The following LIN28B variants were observed in gnomAD, a reference collection of about 807,000 sequenced individuals.
The protein encoded by LIN28B is lin-28 RNA binding posttranscriptional regulator B, also known as protein lin-28 homolog B.
Under a neutral mutation model 21.9 loss-of-function variants are expected in LIN28B, and 5 were observed. The ratio of observed to expected loss-of-function variants is 0.23; its 90% CI spans 0.12 to 0.48. The LOEUF is 0.48. Ranked by LOEUF, LIN28B falls within the 20% of genes least tolerant of loss-of-function variation. The pLI is 0.98. For synonymous variants in LIN28B, 109 were observed against 111.3 expected (o/e 0.98, Z 0.13); for missense variants, 245 against 310.5 (o/e 0.79, Z 1.58).
At chr6:104,985,470 A>T (rs2114258112) in intron 2 of LIN28B, among the ~76,000 whole-genome samples, 1 of 152,152 alleles carries the variant, frequency 6.6e-6, no homozygotes, top group East Asian at 1.9e-4. Flanking sequence ...TTTTTTATTG[A>T]TTTGTATGAG....
At chr6:105,070,501 A>G (rs1332469111) in intron 3 of LIN28B, among the ~76,000 whole-genome samples, 1 of 151,852 alleles carries the variant, frequency 6.6e-6, no homozygotes, top group Non-Finnish European at 1.5e-5. Context: ...ATCCTAGCAC[A>G]TTGGGAGGCC....
intron 2 of LIN28B, chr6:104,941,295 C>G (rs1370340098): frequency 1.3e-5 from 2 of 152,170 alleles, no homozygotes; most frequent in East Asian, 3.9e-4. Context: ...CGCTAAGACG[C>G]GGGCAGTCGA....
At chr6:105,046,140 A>G (rs142277114) in intron 3 of LIN28B, among the ~76,000 whole-genome samples, 7 of 152,222 alleles carry the variant, frequency 4.6e-5, no homozygotes, top group African/African-American at 1.2e-4. Context: ...TACATTAGGT[A>G]TATCTCCTAA....
At chr6:105,037,429 C>A (rs1052688406) in intron 3 of LIN28B, among the ~76,000 whole-genome samples, 1 of 151,962 alleles carries the variant, frequency 6.6e-6, no homozygotes, top group Non-Finnish European at 1.5e-5. Flanking sequence ...GTTAAAATAA[C>A]AGATTAAGAG....
intron 3 of LIN28B, among the ~76,000 whole-genome samples, chr6:105,075,731 A>T (rs556354630): frequency 2.6e-5 from 4 of 152,342 alleles, no homozygotes; most frequent in Non-Finnish European, 1.5e-5. Flanking sequence ...GTGAAAGTAG[A>T]ATACTGACAT....
At chr6:105,044,298 T>C (rs910644508) in intron 3 of LIN28B, among the ~76,000 whole-genome samples, 7 of 152,228 alleles carry the variant, frequency 4.6e-5, no homozygotes, top group Admixed American at 3.9e-4. Context: ...CAGCTTGTCC[T>C]ACTCTTTCTT....
upstream of LIN28B, among the ~76,000 whole-genome samples, chr6:104,956,640 T>G (rs2114562593): frequency 6.6e-6 from 1 of 152,304 alleles, no homozygotes; most frequent in South Asian, 2.1e-4. Context: ...CTCTAAGAAT[T>G]GAATTAAATA....
chr6:105,023,234 A>G (rs1465997557), intron 2 of LIN28B, among the ~76,000 whole-genome samples: 2 of 97,020 alleles, frequency 2.1e-5, no homozygotes, highest in Non-Finnish European at 3.9e-5. Context: ...TATAATATAT[A>G]TTATATTATA....
At chr6:104,948,207 G>A (rs1778180322) in intron 2 of LIN28B, among the ~76,000 whole-genome samples, 1 of 152,220 alleles carries the variant, frequency 6.6e-6, no homozygotes, top group Admixed American at 6.5e-5. Context: ...GGTGGCTCAT[G>A]CCTGTAATCC....
At chr6:105,014,391 C>A (rs1022693114) in intron 2 of LIN28B, among the ~76,000 whole-genome samples, 2 of 152,226 alleles carry the variant, frequency 1.3e-5, no homozygotes, top group Non-Finnish European at 2.9e-5. Context: ...GCAATCTTGG[C>A]TCACTGTAAC....
intron 3 of LIN28B, among the ~76,000 whole-genome samples, chr6:105,034,948 T>G (rs1311720372): frequency 6.6e-6 from 1 of 152,006 alleles, no homozygotes; most frequent in Non-Finnish European, 1.5e-5. Flanking sequence ...CCTCATTCAG[T>G]TTTAGAGCAA....
At chr6:104,943,594 A>G (rs1298919067) in intron 2 of LIN28B, among the ~76,000 whole-genome samples, 1 of 152,206 alleles carries the variant, frequency 6.6e-6, no homozygotes, top group South Asian at 2.1e-4. Flanking sequence ...ATTATTGATT[A>G]TGAAAGTGGC....
Position 105,083,015 on chromosome 6 carries a change from G to A in LIN28B, c.*4232G>A, listed in dbSNP as rs1385114232. The stretch of plus-strand genomic sequence containing the variant: ...TGATTTTTATATGTCTTTAATAATG[G>A]TGTTTTATCTAGTGTTTTTAAATTA... On this transcript the variant is annotated 3_prime_UTR_variant, in exon 4 of 4. Coordinates refer to ENST00000345080, the MANE Select transcript of LIN28B (RefSeq NM_001004317.4). 6.6e-6 allele frequency: 1 copy of A among 152,552 alleles called. No individual in the cohort carries two copies. Among genetic ancestry groups the A allele is most frequent in the Admixed American group, 6.6e-5 (1 of 15,264 alleles). 9.4% of individuals were successfully genotyped at this position (152,552 alleles called of 1,614,324 possible). A position where few individuals can be genotyped will look rare whatever the true frequency, so the allele number is the denominator to read the frequency against.
chr6:105,025,513 G>A (rs913112018), intron 2 of LIN28B, among the ~76,000 whole-genome samples: 14 of 152,078 alleles, frequency 9.2e-5, no homozygotes, highest in Middle Eastern at 3.2e-3. Flanking sequence ...CTCAAACGAC[G>A]CAGTAATGTA....
chr6:105,060,030 A>T (rs1046841171), intron 3 of LIN28B, among the ~76,000 whole-genome samples: 3 of 151,698 alleles, frequency 2.0e-5, no homozygotes, highest in African/African-American at 7.3e-5. Flanking sequence ...CAGCCTCCCG[A>T]GTAGCTGAGA....
chr6:104,983,192 A>T (rs1770261948), intron 2 of LIN28B, among the ~76,000 whole-genome samples: 1 of 152,246 alleles, frequency 6.6e-6, no homozygotes, highest in Admixed American at 6.5e-5. Context: ...TGGCTTATAT[A>T]AAAATGGCAT....
chr6:105,004,916 A>G (rs1001975036), intron 2 of LIN28B, among the ~76,000 whole-genome samples: 3 of 152,086 alleles, frequency 2.0e-5, no homozygotes, highest in African/African-American at 7.2e-5. Context: ...CTATTGTCTC[A>G]TGCTTTCCTT....
At chr6:105,058,787 T>C (rs1772072558) in intron 3 of LIN28B, among the ~76,000 whole-genome samples, 2 of 152,222 alleles carry the variant, frequency 1.3e-5, no homozygotes, top group African/African-American at 4.8e-5. Flanking sequence ...AATGTATGGT[T>C]GTTGCTTTTT....
chr6:105,011,650 A>C (rs905308702), intron 2 of LIN28B, among the ~76,000 whole-genome samples: 5 of 148,968 alleles, frequency 3.4e-5, no homozygotes, highest in East Asian at 2.0e-4. Context: ...AGGAGTTCAA[A>C]ACCAGCCTGG....
Sources: allele counts gnomAD v4.1 joint callset (sites outside exome capture counted in the v4.1 genomes callset), GRCh38; gene constraint gnomAD v4.1.1; transcripts MANE v1.5; gene names NCBI Gene and HGNC (gene_info 2026-07-23, HGNC 2026-07-21).